SGCD: variants seen among roughly 807,000 people sequenced by gnomAD.
SGCD encodes sarcoglycan delta.
SGCD carries 18 observed loss-of-function variants against 36.6 expected under a neutral mutation model. The ratio of observed to expected loss-of-function variants is 0.49; its 90% CI spans 0.34 to 0.73. The LOEUF (loss-of-function observed/expected upper bound fraction) is 0.73, where lower values mean the gene tolerates loss of function less well. Ranked by LOEUF, SGCD falls within the 30% of genes least tolerant of loss-of-function variation. The pLI is 0.01. For synonymous variants in SGCD, 133 were observed against 130.6 expected (o/e 1.02, Z -0.12); for missense variants, 387 against 346.7 (o/e 1.12, Z -0.92).
chr5:156,331,300 A>G (rs1311076878), intron 2 of SGCD, among the ~76,000 whole-genome samples: 2 of 152,192 alleles, frequency 1.3e-5, no homozygotes, highest in Non-Finnish European at 2.9e-5. Flanking sequence ...CCTCATACAA[A>G]GGAAACCATG....
intron 3 of SGCD, among the ~76,000 whole-genome samples, chr5:156,205,105 T>C (rs951677902): frequency 6.6e-6 from 1 of 151,858 alleles, no homozygotes; most frequent in African/African-American, 2.4e-5. Context: ...TCCATCAGAG[T>C]GGGAGGTAAA....
chr5:156,463,351 GT>G (rs572530796), intron 3 of SGCD, among the ~76,000 whole-genome samples: 66 of 152,058 alleles, frequency 4.3e-4, no homozygotes, highest in Non-Finnish European at 8.2e-4. Flanking sequence ...CTTAATGGCA[GT>G]TTTTAAAAAG....
intron 3 of SGCD, among the ~76,000 whole-genome samples, chr5:156,319,907 A>C (rs1429355779): frequency 3.9e-5 from 6 of 152,238 alleles, no homozygotes; most frequent in Admixed American, 3.9e-4. Flanking sequence ...TGCGGAAAGG[A>C]TATCAGGAAT....
At chr5:155,734,620 C>T in the SGCD span, among the ~76,000 whole-genome samples, 41 of 152,260 alleles carry the variant, frequency 2.7e-4, no homozygotes, top group African/African-American at 9.9e-4. Context: ...CTTTAAGACA[C>T]TGTTGTATAT....
At chr5:156,556,512 C>A (rs1054737533) in intron 4 of SGCD, among the ~76,000 whole-genome samples, 2 of 152,124 alleles carry the variant, frequency 1.3e-5, no homozygotes, top group African/African-American at 2.4e-5. Context: ...TTGTGTTTAG[C>A]AATGGCTTAA....
At chr5:155,823,584 G>A in the SGCD span, among the ~76,000 whole-genome samples, 16 of 152,236 alleles carry the variant, frequency 1.1e-4, no homozygotes, top group Non-Finnish European at 2.1e-4. Flanking sequence ...TTGGGAATCC[G>A]CCCATGAGCT....
At chr5:156,547,562 C>A (rs1758629310) in intron 4 of SGCD, among the ~76,000 whole-genome samples, 1 of 151,984 alleles carries the variant, frequency 6.6e-6, no homozygotes, top group Admixed American at 6.6e-5. Flanking sequence ...CCTGCCTTAG[C>A]CTCTCAAGTA....
intron 3 of SGCD, among the ~76,000 whole-genome samples, chr5:156,127,537 C>A (rs903395354): frequency 1.3e-5 from 2 of 151,986 alleles, no homozygotes; most frequent in African/African-American, 4.8e-5. Context: ...AGATTGCTTG[C>A]GTCCAAGAAT....
chr5:155,866,107 CCACCCA>C (rs1755519588), upstream of SGCD, among the ~76,000 whole-genome samples: 1 of 152,106 alleles, frequency 6.6e-6, no homozygotes, highest in East Asian at 1.9e-4. Flanking sequence ...TTTATGTATA[CCACCCA>C]TTTTATCACA....
chr5:156,091,102 G>A (rs368144079), intron 1 of SGCD, among the ~76,000 whole-genome samples: 1 of 152,216 alleles, frequency 6.6e-6, no homozygotes, highest in East Asian at 1.9e-4. Context: ...TTACGAAGAT[G>A]ATGGGATTAA....
At chr5:156,525,661 A>C (rs560924706) in intron 4 of SGCD, among the ~76,000 whole-genome samples, 1 of 152,076 alleles carries the variant, frequency 6.6e-6, no homozygotes, top group Non-Finnish European at 1.5e-5. Context: ...TCAAAGACCA[A>C]TGTCATAGAG....
intron 1 of SGCD, among the ~76,000 whole-genome samples, chr5:155,991,973 T>C (rs1164734514): frequency 6.6e-6 from 1 of 152,270 alleles, no homozygotes; most frequent in Non-Finnish European, 1.5e-5. Flanking sequence ...TCTTCATTTC[T>C]GTCTATATAT....
chr5:156,239,399 CAA>C lies in SGCD; in HGVS notation c.-43-90114_-43-90113del, dbSNP rs34839655. Among the ~76,000 whole-genome samples, 361 of 72,620 alleles carry C rather than the reference CAA, an allele frequency of 5.0e-3. 3 individuals carry two copies. The highest frequency in any genetic ancestry group is 0.016 in the African/African-American group (301 of 18,400). 47.6% of individuals were successfully genotyped at this position (72,620 alleles called of 152,430 possible). On this transcript the variant is annotated intron_variant, in intron 3 of 9. Coordinates refer to the SGCD transcript ENST00000517913. ...TGGGCCACAGAGGAAGATTTCATCTCAAAAAAAAAAAAAAAAAAAAAATTAGA... is the reference window on the plus strand; with the variant it reads ...TGGGCCACAGAGGAAGATTTCATCTCAAAAAAAAAAAAAAAAAAAATTAGA...
At chr5:155,767,555 A>G in the SGCD span, among the ~76,000 whole-genome samples, 2 of 150,980 alleles carry the variant, frequency 1.3e-5, no homozygotes, top group Admixed American at 1.3e-4. Flanking sequence ...GCAGTTTTGA[A>G]GATTGTTTTT....
intron 1 of SGCD, among the ~76,000 whole-genome samples, chr5:155,905,461 C>T (rs1183168291): frequency 2.6e-5 from 4 of 152,200 alleles, no homozygotes; most frequent in East Asian, 1.9e-4. Flanking sequence ...TTAGGCCCAA[C>T]CTGATGACCT....
chr5:156,156,050 C>T (rs1762954301), intron 3 of SGCD, among the ~76,000 whole-genome samples: 1 of 151,700 alleles, frequency 6.6e-6, no homozygotes, highest in Non-Finnish European at 1.5e-5. Flanking sequence ...TCTACATTTA[C>T]CAGAGTATTT....
chr5:156,020,668 C>T (rs1342202067), intron 1 of SGCD, among the ~76,000 whole-genome samples: 3 of 152,174 alleles, frequency 2.0e-5, no homozygotes, highest in Admixed American at 1.3e-4. Flanking sequence ...CTTTACACCA[C>T]CACCCTCTGC....
intron 1 of SGCD, among the ~76,000 whole-genome samples, chr5:155,877,593 T>C (rs1755793802): frequency 6.6e-6 from 1 of 152,100 alleles, no homozygotes; most frequent in African/African-American, 2.4e-5. Flanking sequence ...TTTTAAAACA[T>C]TTTTCTACAA....
intron 3 of SGCD, among the ~76,000 whole-genome samples, chr5:156,360,712 G>T (rs1338709949): frequency 6.6e-6 from 1 of 152,088 alleles, no homozygotes; most frequent in Non-Finnish European, 1.5e-5. Context: ...GAGAAGAGAT[G>T]GCCAGACTGT....
Sources: allele counts gnomAD v4.1 joint callset (sites outside exome capture counted in the v4.1 genomes callset), GRCh38; gene constraint gnomAD v4.1.1; transcripts MANE v1.5; gene names NCBI Gene and HGNC (gene_info 2026-07-23, HGNC 2026-07-21).